The following NGF variants were observed in gnomAD, a reference collection of about 807,000 sequenced individuals.
The protein encoded by NGF is nerve growth factor, also known as beta-nerve growth factor.
Under a neutral mutation model 12.8 loss-of-function variants are expected in NGF, and 4 were observed. That is an observed-to-expected ratio of 0.31 (90% CI 0.15 to 0.72). The LOEUF (loss-of-function observed/expected upper bound fraction) is 0.72, where lower values mean the gene tolerates loss of function less well. Among genes scored for constraint, NGF ranks in the 30% least tolerant of loss-of-function variants. The probability of loss-of-function intolerance (pLI) is 0.69; values close to 1 mark genes in which losing one functional copy is unlikely to be tolerated. For synonymous variants in NGF, 140 were observed against 130.0 expected (o/e 1.08, Z -0.52); for missense variants, 283 against 330.8 (o/e 0.86, Z 1.12).
chr1:115,322,224 G>A (rs1184077451), intron 1 of NGF, among the ~76,000 whole-genome samples: 7 of 152,182 alleles, frequency 4.6e-5, no homozygotes, highest in Non-Finnish European at 1.0e-4. Context: ...CAAAAGCTAA[G>A]TCTGGGCGCC....
chr1:115,290,791 T>C (rs981842912), intron 2 of NGF, among the ~76,000 whole-genome samples: 3 of 152,202 alleles, frequency 2.0e-5, no homozygotes, highest in Non-Finnish European at 2.9e-5. Context: ...GGCAGCAAAG[T>C]GTCCTACTCA....
At chr1:115,289,231 T>C (rs1653609445) in intron 2 of NGF, among the ~76,000 whole-genome samples, 1 of 152,228 alleles carries the variant, frequency 6.6e-6, no homozygotes, top group Non-Finnish European at 1.5e-5. Context: ...TTCACTTCTT[T>C]GTTCTTCTCG....
intron 1 of NGF, among the ~76,000 whole-genome samples, chr1:115,336,909 C>T (rs2101060888): frequency 6.6e-6 from 1 of 152,208 alleles, no homozygotes; most frequent in South Asian, 2.1e-4. Context: ...GTGGGTGTGC[C>T]CAGAGGATGG....
At chr1:115,327,889 T>C (rs1369049624) in intron 1 of NGF, among the ~76,000 whole-genome samples, 1 of 152,168 alleles carries the variant, frequency 6.6e-6, no homozygotes, top group Admixed American at 6.5e-5. Context: ...AATGGACAAC[T>C]GGCTTGGCGA....
chr1:115,299,371 AGTTGTTGTG>A (rs1258351651), intron 1 of NGF, among the ~76,000 whole-genome samples: 3 of 152,162 alleles, frequency 2.0e-5, no homozygotes, highest in Non-Finnish European at 4.4e-5. Context: ...GGTAGGAAGA[AGTTGTTGTG>A]GTTGGCTGAC....
chr1:115,309,206 G>T (rs1039225328), intron 1 of NGF, among the ~76,000 whole-genome samples: 154 of 152,296 alleles, frequency 1.0e-3, no homozygotes, highest in Admixed American at 1.8e-3. Flanking sequence ...CCTTAGGGCA[G>T]TCTAGTACCT....
chr1:115,308,988 A>G (rs1654274983), intron 1 of NGF, among the ~76,000 whole-genome samples: 1 of 152,228 alleles, frequency 6.6e-6, no homozygotes, highest in Admixed American at 6.5e-5. Context: ...TTGATTTTAG[A>G]ATGCAGCCCC....
At chr1:115,296,702 C>T (rs1215525154) in intron 1 of NGF, among the ~76,000 whole-genome samples, 2 of 152,200 alleles carry the variant, frequency 1.3e-5, no homozygotes, top group Non-Finnish European at 2.9e-5. Context: ...TTTACTACTG[C>T]AGAGAGAAAT....
At chr1:115,287,272 C>A (rs530103264) in intron 2 of NGF, among the ~76,000 whole-genome samples, 1 of 152,260 alleles carries the variant, frequency 6.6e-6, no homozygotes, top group South Asian at 2.1e-4. Flanking sequence ...TGGGAAGGCA[C>A]GGGGAAGATC....
chr1:115,329,744 C>CTTTTTTTT (rs1039991768), intron 1 of NGF, among the ~76,000 whole-genome samples: 140 of 103,916 alleles, frequency 1.3e-3, no homozygotes, highest in Non-Finnish European at 1.9e-3. Context: ...TTCTTTCTTT[C>CTTTTTTTT]TTTTTTTTTT....
At chr1:115,329,097 G>A (rs1468468939) in intron 1 of NGF, among the ~76,000 whole-genome samples, 1 of 151,844 alleles carries the variant, frequency 6.6e-6, no homozygotes, top group African/African-American at 2.4e-5. Flanking sequence ...AAAGAGGAAG[G>A]GAGAAGGGAA....
intron 1 of NGF, among the ~76,000 whole-genome samples, chr1:115,296,955 A>G (rs1053899781): frequency 6.6e-6 from 1 of 152,204 alleles, no homozygotes; most frequent in Non-Finnish European, 1.5e-5. Flanking sequence ...AATGCATGGA[A>G]ATAAATCCCA....
At chr1:115,289,208 C>T (rs1439448993) in intron 2 of NGF, among the ~76,000 whole-genome samples, 1 of 152,078 alleles carries the variant, frequency 6.6e-6, no homozygotes, top group Middle Eastern at 3.2e-3. Context: ...TTTACTTTTG[C>T]TCCTTTTCAT....
At chr1:115,337,261 G>GTTTTTTTTTTTTTTTT (rs368973980) in intron 1 of NGF, among the ~76,000 whole-genome samples, 1 of 11,758 alleles carries the variant, frequency 8.5e-5, no homozygotes, top group African/African-American at 2.3e-4. Context: ...TTTTTGTTTT[G>GTTTTTTTTTTTTTTTT]TTTTTGTTTT....
At chr1:115,300,822 A>T (rs1477400286) in intron 1 of NGF, among the ~76,000 whole-genome samples, 1 of 152,200 alleles carries the variant, frequency 6.6e-6, no homozygotes, top group African/African-American at 2.4e-5. Flanking sequence ...GTGCTGTTTT[A>T]GCTACTTCCT....
rs1653526527 is a variant in NGF at position 115,286,815 on chromosome 1, G to A, written c.-12-8C>T. The A allele has an allele frequency of 2.5e-6, 4 of 1,613,890 alleles. No individual in the cohort carries two copies. The highest frequency in any genetic ancestry group is 3.4e-6 in the Non-Finnish European group (4 of 1,180,026). On this transcript the variant is annotated splice_region_variant and splice_polypyrimidine_tract_variant and intron_variant, in intron 2 of 2. Transcript: ENST00000369512. ...GGACATTACGCTATGCACCTGGAAT[G>A]AAAAAGAAATGAGGGTGACTTCATG...
chr1:115,305,715 C>T (rs1374816236), intron 1 of NGF, among the ~76,000 whole-genome samples: 1 of 152,174 alleles, frequency 6.6e-6, no homozygotes, highest in Non-Finnish European at 1.5e-5. Context: ...ACCCACTAAT[C>T]TGATAGAAAT....
intron 1 of NGF, among the ~76,000 whole-genome samples, chr1:115,315,178 G>A (rs1571088104): frequency 6.6e-6 from 1 of 152,164 alleles, no homozygotes; most frequent in East Asian, 1.9e-4. Flanking sequence ...GGTGAGTTTG[G>A]ACTTTATTTC....
Position 115,318,638 on chromosome 1 carries a change from C to T in NGF, c.-137+19566G>A, listed in dbSNP as rs144389275. 3.2e-3 allele frequency among the ~76,000 whole-genome samples: 481 copies of T among 152,312 alleles called. 2 individuals are homozygous for T. The highest frequency in any genetic ancestry group is 0.011 in the African/African-American group (449 of 41,570). Reference sequence around the variant, plus strand: ...CTATATACTCTGTGATCTCCAGCCACCTCTCTTCTTTGTTGTTACTTCTCT... The same window carrying T: ...CTATATACTCTGTGATCTCCAGCCATCTCTCTTCTTTGTTGTTACTTCTCT... On this transcript the variant is annotated intron_variant, in intron 1 of 2. Transcript: ENST00000369512.
Sources: allele counts gnomAD v4.1 joint callset (sites outside exome capture counted in the v4.1 genomes callset), GRCh38; gene constraint gnomAD v4.1.1; transcripts MANE v1.5; gene names NCBI Gene and HGNC (gene_info 2026-07-23, HGNC 2026-07-21).